CACNA1H: variants seen among roughly 807,000 people sequenced by gnomAD.
The protein encoded by CACNA1H is calcium voltage-gated channel subunit alpha1 H, also known as voltage-dependent T-type calcium channel subunit alpha-1H.
A neutral mutation model predicts 192.5 loss-of-function variants in CACNA1H; 149 were observed. The observed-to-expected ratio is 0.77, with a 90% CI of 0.68 to 0.89. The LOEUF is 0.89. CACNA1H is among the 40% of genes least tolerant of loss of function. The probability of loss-of-function intolerance (pLI) is 0.00; values close to 1 mark genes in which losing one functional copy is unlikely to be tolerated. For missense variants in CACNA1H, 4,257 were observed against 3,423.5 expected (o/e 1.24, Z -6.08); for synonymous variants, 2,202 against 1,475.2 (o/e 1.49, Z -11.29).
rs1252142664 is a variant in CACNA1H, at chr16:1,209,220, C to T, written c.3552C>T (p.Ala1184=). 6.5e-6 allele frequency: 10 copies of T among 1,545,566 alleles called. No individual in the cohort carries two copies. Among genetic ancestry groups the T allele is most frequent in the East Asian group, 2.5e-5 (1 of 40,602 alleles). Residue 1184 remains alanine, a synonymous_variant, in exon 17 of 35, where the codon GCC becomes GCT. Coordinates refer to ENST00000348261, the MANE Select transcript of CACNA1H (RefSeq NM_021098.3). The part of the protein sequence containing the change: ...STDDEAEDGR[A]APGPRATPLR... ...ACGACGAAGCTGAGGACGGCAGGGC[C>T]GCGCCCGGGCCCCGTGCCACCCCAC...
chr16:1,201,051 C>A (rs1279276609), intron 8 of CACNA1H, among the ~76,000 whole-genome samples: 1 of 152,080 alleles, frequency 6.6e-6, no homozygotes, highest in Non-Finnish European at 1.5e-5. Context: ...GCCAGGAACA[C>A]CCTGGGGAGT....
At position 1,204,203 on chromosome 16, in the gene CACNA1H, G is replaced by C. The variant is rs1248486028; in HGVS notation, c.2196G>C (p.Gln732His). 6.8e-6 allele frequency: 11 copies of C among 1,612,010 alleles called. No homozygotes were observed. The highest frequency in any genetic ancestry group is 9.3e-6 in the Non-Finnish European group (11 of 1,179,630). ...GCCGTGGCGTCTATGAATTCACGCA[G>C]GACGTCCGGCACGGTGACCGCTGGG... Reference protein sequence around the residue: ...SDGRGVYEFTQDVRHGDRWDP... With the variant: ...SDGRGVYEFTHDVRHGDRWDP... Residue 732 changes from glutamine to histidine, a missense_variant, in exon 10 of 35, where the codon CAG (glutamine) becomes CAC (histidine). By Grantham distance (24) the Gln-to-His change is conservative. Coordinates refer to ENST00000348261, the MANE Select transcript of CACNA1H (RefSeq NM_021098.3).
At chr16:1,210,183 G>A in intron 18 of CACNA1H, 48 bp downstream of exon 18, 1 of 1,465,842 alleles carries the variant, frequency 6.8e-7, no homozygotes, top group Non-Finnish European at 9.3e-7. Flanking sequence ...CACCCCACGG[G>A]ACCCCCGCCC....
intron 2 of CACNA1H, chr16:1,157,547 C>T (rs954140148): frequency 6.6e-6 from 1 of 152,254 alleles, no homozygotes; most frequent in Non-Finnish European, 1.5e-5. Flanking sequence ...AGAGGGCACC[C>T]GTCTGGAAAG....
At chr16:1,169,687 C>T (rs978005817) in intron 2 of CACNA1H, among the ~76,000 whole-genome samples, 1 of 152,238 alleles carries the variant, frequency 6.6e-6, no homozygotes, top group Non-Finnish European at 1.5e-5. Flanking sequence ...GGCCACAGGC[C>T]GCTGGGGGCA....
At chr16:1,157,730 G>A (rs897161215) in intron 2 of CACNA1H, 3 of 152,330 alleles carry the variant, frequency 2.0e-5, no homozygotes, top group African/African-American at 7.2e-5. Context: ...TGCCTCAGTG[G>A]TCGGAAGTCA....
At chr16:1,213,596 G>C (rs908449400) in intron 26 of CACNA1H, among the ~76,000 whole-genome samples, 184 bp from the exon 27 acceptor site, 31 of 152,146 alleles carry the variant, frequency 2.0e-4, no homozygotes, top group African/African-American at 7.2e-4. Flanking sequence ...TTTCCTGAGA[G>C]AGTCCCCCTT....
At chr16:1,165,195 G>A (rs1046053238) in intron 2 of CACNA1H, among the ~76,000 whole-genome samples, 1 of 152,128 alleles carries the variant, frequency 6.6e-6, no homozygotes, top group African/African-American at 2.4e-5. Flanking sequence ...TGGGGAGACG[G>A]GGGGAAGAGC....
At chr16:1,154,615 C>T (rs768021059) in intron 2 of CACNA1H, among the ~76,000 whole-genome samples, 2 of 152,108 alleles carry the variant, frequency 1.3e-5, no homozygotes, top group African/African-American at 2.4e-5. Flanking sequence ...TCTGGCTGAA[C>T]TCGGTGGCGG....
chr16:1,204,833 C>T lies in CACNA1H; in HGVS notation c.2452-281C>T, dbSNP rs71384635. Among the ~76,000 whole-genome samples, 3,048 of 82,032 alleles carry T rather than the reference C, an allele frequency of 0.037. 31 individuals are homozygous for T. The highest frequency in any genetic ancestry group is 0.06 in the Non-Finnish European group (2,029 of 33,582). 53.8% of individuals were successfully genotyped at this position (82,032 alleles called of 152,430 possible). On this transcript the variant is annotated intron_variant, in intron 10 of 34. Coordinates refer to ENST00000348261, the MANE Select transcript of CACNA1H (RefSeq NM_021098.3). ...GGGGTGGGAGCCGCGGGTGGGGCCC[C>T]AGATCAGTGCCGGGGAGGGGTGGGA...
At chr16:1,188,983 GC>G (rs1313861511) in intron 2 of CACNA1H, among the ~76,000 whole-genome samples, 3 of 151,808 alleles carry the variant, frequency 2.0e-5, no homozygotes, top group Non-Finnish European at 4.4e-5. Flanking sequence ...CCCTTGGAGG[GC>G]CCCCCCAGGT....
intron 2 of CACNA1H, among the ~76,000 whole-genome samples, chr16:1,181,735 T>A (rs1305130428): frequency 6.6e-6 from 1 of 152,186 alleles, no homozygotes; most frequent in Non-Finnish European, 1.5e-5. Context: ...AGCCAACCTC[T>A]CCTTTCATTC....
At chr16:1,216,088 T>A (rs1275773331) in intron 30 of CACNA1H, among the ~76,000 whole-genome samples, 1 of 152,124 alleles carries the variant, frequency 6.6e-6, no homozygotes, top group Non-Finnish European at 1.5e-5. Flanking sequence ...AGTCCACCTA[T>A]CCAACCCCCG....
intron 2 of CACNA1H, among the ~76,000 whole-genome samples, chr16:1,154,942 G>A (rs1255731223): frequency 6.6e-6 from 1 of 152,190 alleles, no homozygotes; most frequent in Non-Finnish European, 1.5e-5. Flanking sequence ...CGGCCCTTCT[G>A]AGCCGGCAGC....
chr16:1,206,356 A>T, intron 12 of CACNA1H, 67 bp downstream of exon 12: 1 of 1,466,042 alleles, frequency 6.8e-7, no homozygotes, highest in East Asian at 2.5e-5. Context: ...GCAAAGGCCC[A>T]GGGCACCCCC....
intron 17 of CACNA1H, among the ~76,000 whole-genome samples, chr16:1,209,772 A>C (rs1400803712): frequency 1.3e-5 from 2 of 152,166 alleles, no homozygotes; most frequent in Non-Finnish European, 2.9e-5. Flanking sequence ...TCCCAGAGTC[A>C]GGGACCCAAG....
At chr16:1,189,397 CTTTTTTTTTTTT>C (rs3990780) in intron 2 of CACNA1H, among the ~76,000 whole-genome samples, 14 of 45,014 alleles carry the variant, frequency 3.1e-4, no homozygotes, top group Non-Finnish European at 4.0e-4. Context: ...GAAGAGTGTC[CTTTTTTTTTTTT>C]TTTTTTTTTT....
At chr16:1,206,496 A>G (rs1372755520) in intron 12 of CACNA1H, 15 of 580,186 alleles carry the variant, frequency 2.6e-5, no homozygotes, top group South Asian at 1.5e-4. Flanking sequence ...AGGGAGTCAG[A>G]TGGCAGGGGT....
chr16:1,158,139 A>G (rs1295454235), intron 2 of CACNA1H, among the ~76,000 whole-genome samples: 1 of 152,236 alleles, frequency 6.6e-6, no homozygotes, highest in East Asian at 1.9e-4. Context: ...CGGCCTACCC[A>G]CGAGAGGGCT....
Sources: gnomAD v4.1 joint callset for allele counts (sites outside exome capture counted in the v4.1 genomes callset) on GRCh38, gnomAD v4.1.1 for gene constraint, MANE v1.5 for transcripts, NCBI Gene and HGNC (gene_info 2026-07-23, HGNC 2026-07-21) for gene names.